Variants in SYNDIG1L observed in about 807,000 individuals in gnomAD.
The protein encoded by SYNDIG1L is synapse differentiation-inducing gene protein 1-like.
SYNDIG1L carries 13 observed loss-of-function variants against 20.1 expected under a neutral mutation model. The ratio of observed to expected loss-of-function variants is 0.65; its 90% confidence interval spans 0.42 to 1.03. The LOEUF (loss-of-function observed/expected upper bound fraction) is 1.03, where lower values mean the gene tolerates loss of function less well. SYNDIG1L is among the 50% of genes least tolerant of loss of function. The probability of loss-of-function intolerance (pLI) is 0.00; values close to 1 mark genes in which losing one functional copy is unlikely to be tolerated. For missense variants in SYNDIG1L, 294 were observed against 305.1 expected (o/e 0.96, Z 0.27); for synonymous variants, 128 against 129.3 (o/e 0.99, Z 0.07).
chr14:74,448,036 T>C, the SYNDIG1L span, among the ~76,000 whole-genome samples: 2 of 151,882 alleles, frequency 1.3e-5, no homozygotes, highest in Non-Finnish European at 2.9e-5. Context: ...AACAAGGAGA[T>C]AAAATAGGGT....
chr14:74,441,487 T>G, the SYNDIG1L span, among the ~76,000 whole-genome samples: 1 of 152,114 alleles, frequency 6.6e-6, no homozygotes, highest in East Asian at 1.9e-4. Flanking sequence ...GATTCTAGAA[T>G]TTTTTAAAAA....
the SYNDIG1L span, among the ~76,000 whole-genome samples, chr14:74,469,926 C>T: frequency 2.2e-4 from 34 of 152,278 alleles, no homozygotes; most frequent in Admixed American, 1.2e-3. Context: ...TTCTGCTTTT[C>T]GTGACAAAGA....
chr14:74,417,666 T>G (rs2086187273), intron 1 of SYNDIG1L, among the ~76,000 whole-genome samples: 1 of 152,220 alleles, frequency 6.6e-6, no homozygotes, highest in Non-Finnish European at 1.5e-5. Flanking sequence ...GACCCAGGTT[T>G]GATTTAGTCT....
the SYNDIG1L span, among the ~76,000 whole-genome samples, chr14:74,466,660 C>T: frequency 2.0e-5 from 3 of 152,176 alleles, no homozygotes; most frequent in Non-Finnish European, 4.4e-5. Context: ...GAAGTGATGG[C>T]TCCACAGGTC....
chr14:74,432,901 T>C, the SYNDIG1L span, among the ~76,000 whole-genome samples: 7 of 152,090 alleles, frequency 4.6e-5, no homozygotes, highest in East Asian at 1.2e-3. Context: ...GTAGACTTTT[T>C]TGAGCTCCTG....
chr14:74,475,432 A>G, the SYNDIG1L span, among the ~76,000 whole-genome samples: 1 of 104,968 alleles, frequency 9.5e-6, no homozygotes, highest in Non-Finnish European at 1.9e-5. Context: ...GTGAGATATA[A>G]ACCCAGCTTG....
the SYNDIG1L span, among the ~76,000 whole-genome samples, chr14:74,478,172 C>A: frequency 6.6e-6 from 1 of 152,154 alleles, no homozygotes; most frequent in African/African-American, 2.4e-5. Context: ...TTTTATGGAC[C>A]TTTTAATCCT....
the SYNDIG1L span, among the ~76,000 whole-genome samples, chr14:74,449,436 T>TAAAAAAA: frequency 1.2e-4 from 1 of 8,252 alleles, no homozygotes; most frequent in Non-Finnish European, 3.0e-4. Flanking sequence ...ATCCTGTCTT[T>TAAAAAAA]ACAAAAAAAA....
the SYNDIG1L span, among the ~76,000 whole-genome samples, chr14:74,432,675 G>A: frequency 6.6e-6 from 1 of 152,186 alleles, no homozygotes; most frequent in Admixed American, 6.5e-5. Context: ...GGCCAACATA[G>A]TGAAATCCTG....
intron 1 of SYNDIG1L, among the ~76,000 whole-genome samples, chr14:74,418,926 C>T (rs532113866): frequency 6.6e-6 from 1 of 152,208 alleles, no homozygotes. Context: ...TAGCTAAACC[C>T]TGCCTGCATT....
chr14:74,460,600 C>A, the SYNDIG1L span, among the ~76,000 whole-genome samples: 1 of 152,160 alleles, frequency 6.6e-6, no homozygotes, highest in Non-Finnish European at 1.5e-5. Flanking sequence ...CTCGTATTGA[C>A]CCTTCCTGTT....
At chr14:74,450,845 C>A in the SYNDIG1L span, among the ~76,000 whole-genome samples, 6 of 151,950 alleles carry the variant, frequency 3.9e-5, no homozygotes, top group Non-Finnish European at 7.4e-5. Flanking sequence ...AACACTTTAC[C>A]AACTAAGATA....
the SYNDIG1L span, among the ~76,000 whole-genome samples, chr14:74,440,687 AG>A: frequency 6.6e-6 from 1 of 152,000 alleles, no homozygotes; most frequent in Admixed American, 6.6e-5. Context: ...TCTGTCTAAA[AG>A]AAAAAAAAAA....
chr14:74,465,991 G>A, the SYNDIG1L span, among the ~76,000 whole-genome samples: 1 of 152,244 alleles, frequency 6.6e-6, no homozygotes, highest in Non-Finnish European at 1.5e-5. Flanking sequence ...AGGAAGGCCA[G>A]CAGCAGCTAC....
chr14:74,477,118 AACACACACACAC>A, the SYNDIG1L span, among the ~76,000 whole-genome samples: 1 of 83,146 alleles, frequency 1.2e-5, no homozygotes, highest in Non-Finnish European at 2.4e-5. Flanking sequence ...CCCCATTCCC[AACACACACACAC>A]ACACACACAC....
At chr14:74,440,595 G>A in the SYNDIG1L span, among the ~76,000 whole-genome samples, 1 of 150,770 alleles carries the variant, frequency 6.6e-6, no homozygotes, top group African/African-American at 2.5e-5. Flanking sequence ...TAAGGCAGGA[G>A]AATGGCGTGA....
the SYNDIG1L span, among the ~76,000 whole-genome samples, chr14:74,436,142 G>C: frequency 1.8e-4 from 27 of 152,010 alleles, no homozygotes; most frequent in African/African-American, 6.0e-4. Context: ...ATACATATAT[G>C]TACAAAGAGA....
the SYNDIG1L span, among the ~76,000 whole-genome samples, chr14:74,463,978 C>A: frequency 6.6e-6 from 1 of 152,132 alleles, no homozygotes; most frequent in African/African-American, 2.4e-5. Context: ...ATCTACACTG[C>A]GGCATAAGCA....
chr14:74,419,728 T>C (rs1179691993), intron 1 of SYNDIG1L, among the ~76,000 whole-genome samples: 3 of 152,152 alleles, frequency 2.0e-5, no homozygotes. Context: ...GTGAAGGTGA[T>C]GGTGAGAACT....
Sources: gnomAD v4.1 joint callset for allele counts (sites outside exome capture counted in the v4.1 genomes callset) on GRCh38, gnomAD v4.1.1 for gene constraint, MANE v1.5 for transcripts, NCBI Gene and HGNC (gene_info 2026-07-23, HGNC 2026-07-21) for gene names.